SAMD4A: variants seen among roughly 807,000 people sequenced by gnomAD.
The protein encoded by SAMD4A is sterile alpha motif domain containing 4A.
In SAMD4A, 33 loss-of-function variants were observed where a neutral mutation model predicts 81.3. The ratio of observed to expected loss-of-function variants is 0.41; its 90% CI spans 0.31 to 0.54. The LOEUF (loss-of-function observed/expected upper bound fraction) is 0.54. Ranked by LOEUF, SAMD4A falls within the 20% of genes least tolerant of loss-of-function variation. The pLI, the probability that SAMD4A is intolerant of heterozygous loss-of-function variation, is 0.37. For synonymous variants in SAMD4A, 389 were observed against 382.1 expected (o/e 1.02, Z -0.21); for missense variants, 854 against 951.1 (o/e 0.90, Z 1.34).
In SAMD4A at chr14:54,684,057, G is replaced by A. The variant is rs150956273; in HGVS notation, c.197-18005G>A. ...AGTCAGGCCTGGTTTTAATTTATTTGTGGTTATTCTAACTAGTAAGTGAAA... is the reference window on the plus strand; with the variant it reads ...AGTCAGGCCTGGTTTTAATTTATTTATGGTTATTCTAACTAGTAAGTGAAA... On this transcript the variant is annotated intron_variant, in intron 2 of 12. Transcript: ENST00000554335. Among the ~76,000 whole-genome samples, 304 of 152,308 alleles carry A rather than the reference G, an allele frequency of 2.0e-3. 1 individual carries two copies. Among genetic ancestry groups the A allele is most frequent in the African/African-American group, 6.8e-3 (282 of 41,570 alleles).
intron 5 of SAMD4A, among the ~76,000 whole-genome samples, chr14:54,749,283 C>T (rs1221374216): frequency 6.6e-6 from 1 of 152,152 alleles, no homozygotes; most frequent in Non-Finnish European, 1.5e-5. Flanking sequence ...ACATCCCTGC[C>T]TTTGCTTTTC....
At chr14:54,736,934 A>G in intron 3 of SAMD4A, 90 bp from the exon 4 acceptor site, 6 of 1,417,636 alleles carry the variant, frequency 4.2e-6, no homozygotes, top group Non-Finnish European at 5.9e-6. Flanking sequence ...AGTTAGTGGT[A>G]TCTCTCAGGG....
intron 7 of SAMD4A, among the ~76,000 whole-genome samples, chr14:54,762,916 G>A (rs1032665784): frequency 3.7e-4 from 56 of 150,450 alleles, no homozygotes; most frequent in African/African-American, 1.3e-3. Context: ...GTGCAGTGGC[G>A]CGATCTAGGC....
At chr14:54,719,896 C>T (rs565544452) in intron 3 of SAMD4A, among the ~76,000 whole-genome samples, 1 of 152,300 alleles carries the variant, frequency 6.6e-6, no homozygotes, top group African/African-American at 2.4e-5. Flanking sequence ...CTCAGTCTAG[C>T]TTTCCTAGTC....
chr14:54,773,099 C>T (rs1352942799), intron 9 of SAMD4A, among the ~76,000 whole-genome samples: 6 of 152,254 alleles, frequency 3.9e-5, no homozygotes, highest in African/African-American at 1.4e-4. Flanking sequence ...GAATCTAGAA[C>T]TCCTTCCTTG....
chr14:54,587,754 A>G (rs1248146408), intron 2 of SAMD4A, among the ~76,000 whole-genome samples: 1 of 152,138 alleles, frequency 6.6e-6, no homozygotes, highest in Non-Finnish European at 1.5e-5. Flanking sequence ...ATTATGGTAG[A>G]TTATCTTTTT....
chr14:54,682,156 A>T (rs1468452029), intron 2 of SAMD4A: 14 of 665,166 alleles, frequency 2.1e-5, no homozygotes, highest in Non-Finnish European at 2.0e-5. Context: ...GATTGTGGGG[A>T]GTCTGCTGTG....
At chr14:54,594,899 A>G (rs936681268) in intron 2 of SAMD4A, among the ~76,000 whole-genome samples, 1 of 152,204 alleles carries the variant, frequency 6.6e-6, no homozygotes, top group African/African-American at 2.4e-5. Context: ...TACATCTTAC[A>G]AGGTCTATTT....
Position 54,674,896 on chromosome 14 carries a change from G to A in SAMD4A, c.197-27166G>A, listed in dbSNP as rs971127677. ...CTTGAGTACTGGGAATATTAGGCCCGTGCCATGATGCCCAGCGAATTTTGA... is the reference window on the plus strand; with the variant it reads ...CTTGAGTACTGGGAATATTAGGCCCATGCCATGATGCCCAGCGAATTTTGA... On this transcript the variant is annotated intron_variant, in intron 2 of 12. Transcript: ENST00000554335. Among the ~76,000 whole-genome samples, 6 of 152,272 alleles carry A rather than the reference G, an allele frequency of 3.9e-5. 1 individual carries two copies. The highest frequency in any genetic ancestry group is 2.4e-5 in the African/African-American group (1 of 41,564).
At chr14:54,670,183 C>T (rs1449050391) in intron 2 of SAMD4A, among the ~76,000 whole-genome samples, 1 of 152,180 alleles carries the variant, frequency 6.6e-6, no homozygotes, top group Non-Finnish European at 1.5e-5. Context: ...CATTCCCCGC[C>T]CCCATCTGCA....
At chr14:54,624,717 A>G (rs561146335) in intron 2 of SAMD4A, among the ~76,000 whole-genome samples, 34 of 152,230 alleles carry the variant, frequency 2.2e-4, no homozygotes, top group Non-Finnish European at 4.6e-4. Context: ...CAATTACTAA[A>G]TTCAGTTGGT....
chr14:54,577,588 G>C (rs1342674616), intron 2 of SAMD4A, among the ~76,000 whole-genome samples: 1 of 152,186 alleles, frequency 6.6e-6, no homozygotes, highest in Non-Finnish European at 1.5e-5. Flanking sequence ...CTGGCTTTTA[G>C]CACACTTACA....
chr14:54,727,989 G>A (rs1373721852), intron 3 of SAMD4A, among the ~76,000 whole-genome samples: 4 of 152,264 alleles, frequency 2.6e-5, no homozygotes, highest in East Asian at 3.9e-4. Flanking sequence ...GCTGGGGTCT[G>A]TAGCTCCAGA....
intron 5 of SAMD4A, among the ~76,000 whole-genome samples, chr14:54,750,810 G>A (rs916901233): frequency 6.6e-6 from 1 of 152,194 alleles, no homozygotes; most frequent in African/African-American, 2.4e-5. Context: ...AAGGAAGAGT[G>A]CATGACTTAA....
intron 2 of SAMD4A, among the ~76,000 whole-genome samples, chr14:54,578,419 A>G (rs1350346580): frequency 6.6e-6 from 1 of 152,186 alleles, no homozygotes; most frequent in Non-Finnish European, 1.5e-5. Flanking sequence ...GGTGGTTTTA[A>G]AAGTTTTCTT....
At chr14:54,716,586 T>C (rs190797930) in intron 3 of SAMD4A, among the ~76,000 whole-genome samples, 56 of 152,310 alleles carry the variant, frequency 3.7e-4, no homozygotes, top group African/African-American at 1.3e-3. Flanking sequence ...ATGAATTTTC[T>C]TAGTTGCTCG....
In SAMD4A at chr14:54,770,190, T is replaced by C; in HGVS notation, c.1683T>C (p.Leu561=). 1 of 1,613,066 alleles carries C rather than the reference T, an allele frequency of 6.2e-7. No homozygotes were observed. Among genetic ancestry groups the C allele is most frequent in the East Asian group, 2.2e-5 (1 of 44,886 alleles). ...TTCGGTCTTTCCCTCGGAAAACCCT[T>C]CTAGACATATCAGGATATCGACAGC... ...KLFRSFPRKT[L]LDISGYRQQR... Residue 561 remains leucine (L), a synonymous_variant, in exon 9 of 13, where the codon CTT becomes CTC. Transcript: ENST00000554335.
intron 9 of SAMD4A, among the ~76,000 whole-genome samples, chr14:54,774,658 A>AAAAACAAAAC (rs2038790378): frequency 6.6e-6 from 1 of 151,242 alleles, no homozygotes; most frequent in African/African-American, 2.4e-5. Context: ...CTACCAAAAA[A>AAAAACAAAAC]AAAAAGTTAG....
chr14:54,632,794 C>T (rs1367984319), intron 2 of SAMD4A, among the ~76,000 whole-genome samples: 2 of 152,186 alleles, frequency 1.3e-5, no homozygotes, highest in East Asian at 3.8e-4. Flanking sequence ...TCTGTTTTAA[C>T]TTTCTTATCT....
Sources: gnomAD v4.1 joint callset for allele counts (sites outside exome capture counted in the v4.1 genomes callset) on GRCh38, gnomAD v4.1.1 for gene constraint, MANE v1.5 for transcripts, NCBI Gene and HGNC (gene_info 2026-07-23, HGNC 2026-07-21) for gene names.